Variants in PCDH15 observed in about 807,000 individuals in gnomAD.
The protein encoded by PCDH15 is protocadherin related 15.
In PCDH15, 129 loss-of-function variants were observed where a neutral mutation model predicts 178.5. That is an observed-to-expected ratio of 0.72 (90% CI 0.63 to 0.84). The LOEUF (loss-of-function observed/expected upper bound fraction) is 0.84. Ranked by LOEUF, PCDH15 falls within the 40% of genes least tolerant of loss-of-function variation. PCDH15 has a pLI of 0.00. For missense variants in PCDH15, 2,230 were observed against 2,099.9 expected (o/e 1.06, Z -1.21); for synonymous variants, 800 against 732.0 (o/e 1.09, Z -1.50).
intron 13 of PCDH15, among the ~76,000 whole-genome samples, chr10:54,159,856 T>C (rs540691656): frequency 6.6e-6 from 1 of 152,330 alleles, no homozygotes; most frequent in South Asian, 2.1e-4. Context: ...CAGGGAAATA[T>C]TTAAATGAGT....
At chr10:55,015,586 A>C (rs1591836773) in intron 2 of PCDH15, among the ~76,000 whole-genome samples, 1 of 152,236 alleles carries the variant, frequency 6.6e-6, no homozygotes, top group African/African-American at 2.4e-5. Context: ...TTACTGACAA[A>C]GAGAGTGTCT....
At chr10:54,387,977 G>A (rs1451256753) in intron 3 of PCDH15, among the ~76,000 whole-genome samples, 1 of 152,164 alleles carries the variant, frequency 6.6e-6, no homozygotes, top group African/African-American at 2.4e-5. Context: ...TGGGGAGGGA[G>A]TAATGGGGAG....
At chr10:53,979,479 A>G (rs1303158921) in intron 21 of PCDH15, among the ~76,000 whole-genome samples, 1 of 152,206 alleles carries the variant, frequency 6.6e-6, no homozygotes, top group Non-Finnish European at 1.5e-5. Context: ...GCAAAACCAT[A>G]TCACCCTCTA....
chr10:54,079,423 T>C lies in PCDH15; in HGVS notation c.1999A>G (p.Thr667Ala), dbSNP rs367713892. The change falls in exon 17 of 38, where the codon ACG (threonine) becomes GCG (alanine). Residue 667 changes from threonine to alanine, a missense_variant and splice_region_variant. Transcript: ENST00000644397. Reference sequence around the variant, plus strand: ...GCTTTCCCTAAGGTTAGAATCCCCGTGCTAGTGACAAAACAAACAAACAAA... The same window carrying C: ...GCTTTCCCTAAGGTTAGAATCCCCGCGCTAGTGACAAAACAAACAAACAAA... The part of the protein sequence containing the change: ...PQRVFNLSET[T>A]GILTLGKALD... 1.9e-5 allele frequency: 31 copies of C among 1,613,456 alleles called. No homozygotes were observed. Among genetic ancestry groups the C allele is most frequent in the Non-Finnish European group, 2.3e-5 (27 of 1,179,522 alleles).
chr10:54,985,619 A>G (rs1839344710), intron 2 of PCDH15, among the ~76,000 whole-genome samples: 1 of 152,194 alleles, frequency 6.6e-6, no homozygotes, highest in South Asian at 2.1e-4. Flanking sequence ...TGATCAGGTG[A>G]CTGACTAGAA....
At chr10:55,491,666 T>A (rs989252652) in intron 2 of PCDH15, among the ~76,000 whole-genome samples, 11 of 149,696 alleles carry the variant, frequency 7.3e-5, no homozygotes, top group Non-Finnish European at 5.9e-5. Context: ...GAGCTCCATG[T>A]GCAAGATTGT....
chr10:54,277,577 A>T (rs956009546), intron 8 of PCDH15, among the ~76,000 whole-genome samples: 2 of 151,708 alleles, frequency 1.3e-5, no homozygotes, highest in African/African-American at 4.8e-5. Context: ...ATGATTATAC[A>T]TATTTGTACT....
At chr10:53,832,554 A>G (rs1003163669) in intron 29 of PCDH15, among the ~76,000 whole-genome samples, 6 of 151,894 alleles carry the variant, frequency 4.0e-5, no homozygotes, top group Non-Finnish European at 8.8e-5. Flanking sequence ...CACTTCTAAC[A>G]TCTTGGTATA....
chr10:55,148,276 G>A (rs1250588538), intron 2 of PCDH15, among the ~76,000 whole-genome samples: 1 of 151,832 alleles, frequency 6.6e-6, no homozygotes, highest in African/African-American at 2.4e-5. Flanking sequence ...TTTATGAACA[G>A]ATTGAGATTT....
At chr10:55,030,939 C>A (rs1840595369) in intron 2 of PCDH15, among the ~76,000 whole-genome samples, 1 of 151,824 alleles carries the variant, frequency 6.6e-6, no homozygotes, top group East Asian at 1.9e-4. Context: ...TAATTAAATA[C>A]AATTTAGGAT....
At chr10:55,382,153 A>C (rs1213535095) in intron 2 of PCDH15, among the ~76,000 whole-genome samples, 2 of 152,174 alleles carry the variant, frequency 1.3e-5, no homozygotes, top group Admixed American at 1.3e-4. Context: ...TACTAGCCAC[A>C]AATTCATCTG....
At chr10:54,582,282 A>G (rs1590256577) in intron 2 of PCDH15, among the ~76,000 whole-genome samples, 1 of 152,150 alleles carries the variant, frequency 6.6e-6, no homozygotes. Flanking sequence ...ATGAAGAGGT[A>G]CTTCTCAAAA....
At chr10:55,520,222 C>T (rs1423304538) in intron 2 of PCDH15, among the ~76,000 whole-genome samples, 1 of 56,614 alleles carries the variant, frequency 1.8e-5, no homozygotes, top group African/African-American at 8.0e-5. Flanking sequence ...TATATATACA[C>T]GCAATGTGTA....
intron 15 of PCDH15, among the ~76,000 whole-genome samples, chr10:54,113,057 C>A (rs1454619153): frequency 6.6e-6 from 1 of 152,142 alleles, no homozygotes; most frequent in Admixed American, 6.5e-5. Flanking sequence ...CTGATATTAG[C>A]ATATTTTGTG....
At chr10:54,200,009 T>C (rs936098414) in intron 10 of PCDH15, among the ~76,000 whole-genome samples, 3 of 152,186 alleles carry the variant, frequency 2.0e-5, no homozygotes, top group Non-Finnish European at 4.4e-5. Context: ...ATCTTCAATA[T>C]TGAAAAAAGG....
intron 26 of PCDH15, among the ~76,000 whole-genome samples, chr10:53,883,179 ATATG>A (rs1200922930): frequency 1.3e-5 from 2 of 152,028 alleles, no homozygotes; most frequent in Non-Finnish European, 2.9e-5. Flanking sequence ...ATACACATAC[ATATG>A]TGTGTGTATT....
intron 3 of PCDH15, among the ~76,000 whole-genome samples, chr10:54,394,654 A>G (rs1331186335): frequency 6.6e-6 from 1 of 152,186 alleles, no homozygotes; most frequent in African/African-American, 2.4e-5. Flanking sequence ...ATAACATCTT[A>G]TCAGGAGACA....
chr10:55,134,050 C>T (rs369163917), intron 2 of PCDH15, among the ~76,000 whole-genome samples: 1 of 152,208 alleles, frequency 6.6e-6, no homozygotes, highest in East Asian at 1.9e-4. Context: ...ATATATCCTG[C>T]AAAATATATT....
chr10:54,472,006 C>T (rs1236983670), intron 3 of PCDH15, among the ~76,000 whole-genome samples: 2 of 151,820 alleles, frequency 1.3e-5, no homozygotes, highest in Non-Finnish European at 2.9e-5. Context: ...TAGCATTAAG[C>T]CAGTGCAATC....
Sources: gnomAD v4.1 joint callset for allele counts (sites outside exome capture counted in the v4.1 genomes callset) on GRCh38, gnomAD v4.1.1 for gene constraint, MANE v1.5 for transcripts, NCBI Gene and HGNC (gene_info 2026-07-23, HGNC 2026-07-21) for gene names.